TENM2: variants seen among roughly 807,000 people sequenced by gnomAD.
TENM2 encodes teneurin-2.
Under a neutral mutation model 245.2 loss-of-function variants are expected in TENM2, and 52 were observed. That is an observed-to-expected ratio of 0.21 (90% CI 0.17 to 0.27). The LOEUF is 0.27. TENM2 is among the 10% of genes least tolerant of loss of function. TENM2 has a pLI of 1.00. For synonymous variants in TENM2, 1,363 were observed against 1,438.9 expected (o/e 0.95, Z 1.19); for missense variants, 3,046 against 3,666.8 (o/e 0.83, Z 4.37).
At chr5:167,010,565 T>C in the TENM2 span, among the ~76,000 whole-genome samples, 1 of 152,188 alleles carries the variant, frequency 6.6e-6, no homozygotes, top group African/African-American at 2.4e-5. Flanking sequence ...TCAAAAACTG[T>C]ATAAAGATAT....
At chr5:167,966,767 G>C (rs1781414610) in intron 4 of TENM2, among the ~76,000 whole-genome samples, 1 of 152,266 alleles carries the variant, frequency 6.6e-6, no homozygotes, top group Admixed American at 6.5e-5. Context: ...TAGGCAACCT[G>C]TTTGCTTTTT....
intron 2 of TENM2, among the ~76,000 whole-genome samples, chr5:167,686,279 A>C (rs1383198326): frequency 6.6e-6 from 1 of 152,212 alleles, no homozygotes. Context: ...TGTGGAGCCT[A>C]TGACTTTTCC....
At chr5:167,878,435 C>G (rs1246888804) in intron 3 of TENM2, among the ~76,000 whole-genome samples, 1 of 152,116 alleles carries the variant, frequency 6.6e-6, no homozygotes, top group Admixed American at 6.6e-5. Flanking sequence ...CCCAATTGTG[C>G]AATACCCTTG....
At chr5:168,214,810 G>A in intron 20 of TENM2, 1 of 623,708 alleles carries the variant, frequency 1.6e-6, no homozygotes. Flanking sequence ...TGTTTAGCAT[G>A]GTGGGAAATG....
At chr5:168,008,032 G>A (rs556885966) in intron 5 of TENM2, among the ~76,000 whole-genome samples, 78 of 152,168 alleles carry the variant, frequency 5.1e-4, no homozygotes, top group African/African-American at 1.7e-3. Context: ...TGTTCTTTGT[G>A]TATTCATTCA....
intron 2 of TENM2, among the ~76,000 whole-genome samples, chr5:167,774,688 T>C (rs1408151938): frequency 1.3e-5 from 2 of 152,142 alleles, no homozygotes; most frequent in Non-Finnish European, 2.9e-5. Flanking sequence ...ATAGGTAATA[T>C]CCAATCACTA....
At chr5:167,805,360 G>C (rs183307046) in intron 2 of TENM2, among the ~76,000 whole-genome samples, 1 of 152,048 alleles carries the variant, frequency 6.6e-6, no homozygotes, top group African/African-American at 2.4e-5. Context: ...TTATACAATC[G>C]TCCTGAGAAA....
chr5:167,811,480 A>C (rs1766634410), intron 2 of TENM2, among the ~76,000 whole-genome samples: 2 of 152,070 alleles, frequency 1.3e-5, no homozygotes, highest in Non-Finnish European at 2.9e-5. Context: ...CCCAGAAGCC[A>C]AGCAGAGGCA....
chr5:168,143,106 G>C (rs1471339860), intron 12 of TENM2, among the ~76,000 whole-genome samples: 2 of 152,094 alleles, frequency 1.3e-5, no homozygotes, highest in African/African-American at 4.8e-5. Context: ...GTAGCCAAGG[G>C]GCTCACCAAG....
chr5:167,363,193 G>A (rs1759818656), intron 1 of TENM2, among the ~76,000 whole-genome samples: 1 of 152,150 alleles, frequency 6.6e-6, no homozygotes, highest in South Asian at 2.1e-4. Context: ...GGTTTTCATT[G>A]TGAGCAAAGA....
At chr5:168,190,623 C>A in intron 14 of TENM2, 76 bp downstream of exon 16, 1 of 1,377,320 alleles carries the variant, frequency 7.3e-7, no homozygotes. Flanking sequence ...AGTTCTCCAG[C>A]TTTCCCGGGG....
At chr5:167,555,082 C>T (rs189435068) in intron 2 of TENM2, among the ~76,000 whole-genome samples, 45 of 152,296 alleles carry the variant, frequency 3.0e-4, no homozygotes, top group African/African-American at 8.7e-4. Context: ...CACAGTCATG[C>T]GCGTGCACGC....
intron 7 of TENM2, among the ~76,000 whole-genome samples, chr5:168,068,490 A>G (rs778729700): frequency 3.3e-5 from 5 of 152,184 alleles, no homozygotes; most frequent in Admixed American, 6.5e-5. Context: ...GTTCAAATCC[A>G]TGTTTAGTAT....
At chr5:168,095,966 G>A (rs2116763) in intron 8 of TENM2, among the ~76,000 whole-genome samples, 127,262 of 152,142 alleles carry the variant, frequency 0.84, 53,527 homozygotes, top group East Asian at 0.97. Context: ...TGATGCCAGT[G>A]CATATGTCAT....
At chr5:167,227,468 G>A in the TENM2 span, among the ~76,000 whole-genome samples, 31,508 of 151,942 alleles carry the variant, frequency 0.21, 3,830 homozygotes, top group African/African-American at 0.34. Context: ...GAATTCCCTC[G>A]GTCTTTACTT....
the TENM2 span, among the ~76,000 whole-genome samples, chr5:167,274,104 C>G: frequency 8.5e-5 from 13 of 152,234 alleles, no homozygotes; most frequent in East Asian, 2.3e-3. Flanking sequence ...ACATTTCCAT[C>G]ACAAAGTTGA....
chr5:167,738,037 A>G (rs1169535548), intron 2 of TENM2, among the ~76,000 whole-genome samples: 1 of 152,134 alleles, frequency 6.6e-6, no homozygotes, highest in Non-Finnish European at 1.5e-5. Flanking sequence ...CCCAGCTCCA[A>G]TTTGCCTCCT....
At chr5:167,725,168 A>C (rs1759905218) in intron 2 of TENM2, among the ~76,000 whole-genome samples, 2 of 152,250 alleles carry the variant, frequency 1.3e-5, no homozygotes, top group Admixed American at 1.3e-4. Flanking sequence ...AAATTCAATA[A>C]ATTTTTTTTT....
the TENM2 span, among the ~76,000 whole-genome samples, chr5:167,237,778 C>T: frequency 3.3e-5 from 5 of 152,054 alleles, no homozygotes; most frequent in East Asian, 1.9e-4. Flanking sequence ...TTTGGGAGGC[C>T]GAGGTGGGTG....
Sources: gnomAD v4.1 joint callset for allele counts (sites outside exome capture counted in the v4.1 genomes callset) on GRCh38, gnomAD v4.1.1 for gene constraint, MANE v1.5 for transcripts, NCBI Gene and HGNC (gene_info 2026-07-23, HGNC 2026-07-21) for gene names.